The following DYM variants were observed in gnomAD, a reference collection of about 807,000 sequenced individuals.
DYM encodes the protein dymeclin.
In DYM, 78 loss-of-function variants were observed where a neutral mutation model predicts 93.1. The observed-to-expected ratio is 0.84, with a 90% CI of 0.70 to 1.01. DYM has a LOEUF of 1.01. Ranked by LOEUF, DYM falls within the 50% of genes least tolerant of loss-of-function variation. The pLI is 0.00. For missense variants in DYM, 789 were observed against 845.0 expected (o/e 0.93, Z 0.82); for synonymous variants, 321 against 319.7 (o/e 1.00, Z -0.04).
intron 15 of DYM, among the ~76,000 whole-genome samples, chr18:49,131,595 C>A (rs2083383005): frequency 6.6e-6 from 1 of 152,162 alleles, no homozygotes; most frequent in Admixed American, 6.5e-5. Flanking sequence ...TTAATTACTT[C>A]ATTAAAGGTC....
intron 15 of DYM, among the ~76,000 whole-genome samples, chr18:49,143,630 CATATT>C (rs1474760361): frequency 1.3e-5 from 2 of 152,042 alleles, no homozygotes; most frequent in African/African-American, 4.8e-5. Context: ...TTCCAATACT[CATATT>C]ATTTAACTTA....
chr18:49,234,482 C>T (rs955366663), intron 13 of DYM, among the ~76,000 whole-genome samples: 4 of 152,084 alleles, frequency 2.6e-5, no homozygotes, highest in African/African-American at 9.7e-5. Context: ...CAGTGTCTCA[C>T]TTCACTTTTT....
chr18:49,246,998 G>A lies in DYM; in HGVS notation c.1460+10012C>T, dbSNP rs140368549. Among the ~76,000 whole-genome samples the A allele has an allele frequency of 2.6e-5, 4 of 152,350 alleles. No individual in the cohort carries two copies. In the East Asian group the frequency reaches 7.7e-4, roughly 29 times the overall value. Reference sequence around the variant, plus strand: ...TAAAAGCAGAGGCATTAGCAGCCTTGTGCTCCGGGCTATCTCTGCGTGGAT... The same window carrying A: ...TAAAAGCAGAGGCATTAGCAGCCTTATGCTCCGGGCTATCTCTGCGTGGAT... On this transcript the variant is annotated intron_variant, in intron 13 of 17. Coordinates refer to ENST00000675505, the MANE Select transcript of DYM (RefSeq NM_001353214.3).
intron 17 of DYM, among the ~76,000 whole-genome samples, chr18:49,081,374 C>T (rs1320482133): frequency 6.6e-6 from 1 of 151,646 alleles, no homozygotes; most frequent in Non-Finnish European, 1.5e-5. Flanking sequence ...CGTGGTGGCG[C>T]GTGCCTGCAA....
chr18:49,230,398 C>A (rs1257026730), intron 13 of DYM, among the ~76,000 whole-genome samples: 1 of 152,170 alleles, frequency 6.6e-6, no homozygotes, highest in East Asian at 1.9e-4. Context: ...AATCTCTCTA[C>A]ACTTTTCACA....
intron 15 of DYM, among the ~76,000 whole-genome samples, chr18:49,161,105 T>C (rs1421056525): frequency 1.3e-5 from 2 of 150,484 alleles, no homozygotes; most frequent in African/African-American, 2.4e-5. Context: ...AAAAAAAGGA[T>C]TGTCAATGAC....
At chr18:49,115,720 T>C (rs2081867709) in intron 16 of DYM, among the ~76,000 whole-genome samples, 1 of 152,348 alleles carries the variant, frequency 6.6e-6, no homozygotes, top group Admixed American at 6.5e-5. Context: ...TTGAAAGAGA[T>C]ACATTAATAA....
intron 3 of DYM, among the ~76,000 whole-genome samples, chr18:49,380,548 G>A (rs1196229989): frequency 1.3e-5 from 2 of 152,190 alleles, no homozygotes; most frequent in African/African-American, 4.8e-5. Flanking sequence ...TCACCTGGAG[G>A]TTGTTACTTG....
intron 14 of DYM, among the ~76,000 whole-genome samples, chr18:49,194,030 C>A (rs967299533): frequency 3.3e-5 from 5 of 152,190 alleles, no homozygotes; most frequent in African/African-American, 1.2e-4. Context: ...AATCTAAGGG[C>A]TGGCATCATG....
chr18:49,112,643 C>T (rs2081527817), intron 16 of DYM, among the ~76,000 whole-genome samples: 1 of 152,088 alleles, frequency 6.6e-6, no homozygotes, highest in Non-Finnish European at 1.5e-5. Flanking sequence ...AGCAGAAGTC[C>T]ACTGTAGGGA....
Position 49,125,956 on chromosome 18 carries a change from T to C in DYM, c.1729-7030A>G, listed in dbSNP as rs568244460. On this transcript the variant is annotated intron_variant, in intron 15 of 17. Transcript: ENST00000675505. ...ACCTCAAGTGTCCCTCAATACAACC[T>C]GGCTTAAAGCCTTCTCATCATTTTA... 2.8e-4 allele frequency among the ~76,000 whole-genome samples: 42 copies of C among 152,372 alleles called. 1 individual carries two copies. The South Asian group carries it at 8.1e-3, about 29-fold the overall frequency.
chr18:49,077,552 T>G (rs1330853095), intron 17 of DYM, among the ~76,000 whole-genome samples: 3 of 152,256 alleles, frequency 2.0e-5, no homozygotes, highest in Non-Finnish European at 2.9e-5. Context: ...CAGTGAATTT[T>G]TCTGGTCTAG....
intron 8 of DYM, among the ~76,000 whole-genome samples, chr18:49,289,680 C>CA (rs2059908813): frequency 7.0e-6 from 1 of 142,122 alleles, no homozygotes; most frequent in South Asian, 2.2e-4. Flanking sequence ...CACTGCACTC[C>CA]AACCCAGGCA....
At chr18:49,412,639 G>T (rs1277134768) in intron 2 of DYM, among the ~76,000 whole-genome samples, 1 of 152,140 alleles carries the variant, frequency 6.6e-6, no homozygotes, top group Non-Finnish European at 1.5e-5. Flanking sequence ...TTAGAAGATG[G>T]TTTAGCAGCG....
intron 17 of DYM, among the ~76,000 whole-genome samples, chr18:49,070,012 G>A (rs1034636608): frequency 1.3e-5 from 2 of 152,184 alleles, no homozygotes; most frequent in Non-Finnish European, 2.9e-5. Context: ...CAGCACTCCC[G>A]CCTGGGCAAC....
intron 17 of DYM, among the ~76,000 whole-genome samples, chr18:49,045,220 A>G (rs2071321931): frequency 1.3e-5 from 2 of 152,180 alleles, no homozygotes; most frequent in Non-Finnish European, 2.9e-5. Context: ...GCTGAAAGAG[A>G]GGAAACCACA....
chr18:49,312,591 A>G (rs2061667056), intron 8 of DYM, among the ~76,000 whole-genome samples: 1 of 152,132 alleles, frequency 6.6e-6, no homozygotes, highest in Non-Finnish European at 1.5e-5. Context: ...AGCCATTTTC[A>G]TAGCTCAATA....
intron 8 of DYM, among the ~76,000 whole-genome samples, chr18:49,310,274 A>G (rs1056396964): frequency 1.3e-5 from 2 of 152,242 alleles, no homozygotes; most frequent in Non-Finnish European, 2.9e-5. Context: ...TTCAGTGAAT[A>G]TTAATCAAAG....
intron 17 of DYM, among the ~76,000 whole-genome samples, chr18:49,091,281 T>C (rs2079026953): frequency 6.6e-6 from 1 of 152,098 alleles, no homozygotes; most frequent in African/African-American, 2.4e-5. Flanking sequence ...AGGAGGATAA[T>C]AATAAATAAT....
Sources: allele counts gnomAD v4.1 joint callset (sites outside exome capture counted in the v4.1 genomes callset), GRCh38; gene constraint gnomAD v4.1.1; transcripts MANE v1.5; gene names NCBI Gene and HGNC (gene_info 2026-07-23, HGNC 2026-07-21).